HERC2: variants seen among roughly 807,000 people sequenced by gnomAD.
HERC2 encodes E3 ubiquitin-protein ligase HERC2.
Under a neutral mutation model 537.7 loss-of-function variants are expected in HERC2, and 102 were observed. That is an observed-to-expected ratio of 0.19 (90% CI 0.16 to 0.22). The LOEUF (loss-of-function observed/expected upper bound fraction) is 0.22, where lower values mean the gene tolerates loss of function less well. Ranked by LOEUF, HERC2 falls within the 10% of genes least tolerant of loss-of-function variation. The pLI is 1.00. For missense variants in HERC2, 4,236 were observed against 6,198.2 expected, an observed-to-expected ratio of 0.68 and a Z score of 10.63; for synonymous variants, 2,224 against 2,466.2, an observed-to-expected ratio of 0.90 and a Z score of 2.91.
chr15:28,229,282 C>T lies in HERC2; in HGVS notation c.5185G>A (p.Glu1729Lys). The T allele has an allele frequency of 6.2e-7, 1 of 1,613,264 alleles. No individual in the cohort carries two copies. Among genetic ancestry groups the T allele is most frequent in the Admixed American group, 1.7e-5 (1 of 60,010 alleles). Residue 1729 changes from glutamate (E) to lysine (K), a missense_variant, in exon 34 of 93, where the codon GAA becomes AAA. Physicochemically the swap from Glu to Lys is moderately conservative, Grantham distance 56 (BLOSUM62 1). Transcript: ENST00000261609. ...GCGTACAGCTTGCCAAAGGTGACTTCCAGCAGCATCCGATTAAAAGGCGGG... is the reference window on the plus strand; with the variant it reads ...GCGTACAGCTTGCCAAAGGTGACTTTCAGCAGCATCCGATTAAAAGGCGGG... The part of the protein sequence containing the change: ...LIPPFNRMLL[E>K]VTFGKLYAWA...
intron 2 of HERC2, among the ~76,000 whole-genome samples, chr15:28,308,796 T>C (rs1453103265): frequency 2.6e-5 from 4 of 152,242 alleles, no homozygotes; most frequent in Admixed American, 6.5e-5. Context: ...TCAGCATCGA[T>C]TGAAATAATC....
chr15:28,176,754 G>C lies in HERC2; in HGVS notation c.9447C>G (p.Leu3149=). ...ATGCAACCTGGATTACTCTGTGACC[G>C]AGAAGGACTTTCACCTACTCAATTA... is the stretch of plus-strand genomic sequence containing the variant. ...QLKPKMVKVL[L]GHRVIQVACG... Residue 3149 remains leucine, a synonymous_variant, in exon 62 of 93, where the codon CTC becomes CTG. Coordinates refer to ENST00000261609, the MANE Select transcript of HERC2 (RefSeq NM_004667.6). The surrounding 1 kb of genome is among the most constrained non-coding windows in gnomAD (Gnocchi z 5.0). 6.2e-7 allele frequency: 1 copy of C among 1,613,822 alleles called. No homozygotes were observed. Among genetic ancestry groups the C allele is most frequent in the East Asian group, 2.2e-5 (1 of 44,888 alleles).
intron 2 of HERC2, among the ~76,000 whole-genome samples, chr15:28,318,739 C>G (rs1275991725): frequency 6.6e-6 from 1 of 152,018 alleles, no homozygotes; most frequent in Non-Finnish European, 1.5e-5. Context: ...CTAGGCCTGA[C>G]GTATCCAAAT....
At chr15:28,148,917 C>CT (rs1892069942) in intron 70 of HERC2, among the ~76,000 whole-genome samples, 1 of 150,556 alleles carries the variant, frequency 6.6e-6, no homozygotes, top group Admixed American at 6.6e-5. Context: ...AAAAAACACA[C>CT]AACTCCTAAC....
Position 28,125,083 on chromosome 15 carries a change from G to A in HERC2, c.12913C>T (p.Arg4305Cys), listed in dbSNP as rs370346800. Reference sequence around the variant, plus strand: ...GTATGTGCTGAGCCACAGGCCACACGGTTGACCTTCTTACCCTGAAGGGCA... The same window carrying A: ...GTATGTGCTGAGCCACAGGCCACACAGTTGACCTTCTTACCCTGAAGGGCA... ...VAALQGKKVN[R>C]VACGSAHTLA... is the part of the protein sequence containing the mutation. The change falls in exon 84 of 93, where the codon CGT becomes TGT. Residue 4305 changes from arginine to cysteine, a missense_variant. By Grantham distance (180) the Arg-to-Cys change is radical. This residue lies in a region of HERC2 where 189 missense variants were observed against 255.7 expected (regional missense o/e 0.74). Coordinates refer to ENST00000261609, the MANE Select transcript of HERC2 (RefSeq NM_004667.6). 1.7e-5 allele frequency: 28 copies of A among 1,613,916 alleles called. No individual in the cohort carries two copies. The highest frequency in any genetic ancestry group is 4.5e-5 in the East Asian group (2 of 44,878).
intron 83 of HERC2, among the ~76,000 whole-genome samples, chr15:28,125,984 G>T (rs1817822551): frequency 6.6e-6 from 1 of 152,146 alleles, no homozygotes; most frequent in South Asian, 2.1e-4. Context: ...GCTAATTTTT[G>T]TATTTTTAGC....
In HERC2 at chr15:28,125,205, G is replaced by C; in HGVS notation, c.12803-12C>G. 6.3e-7 allele frequency: 1 copy of C among 1,597,324 alleles called. No homozygotes were observed. Among genetic ancestry groups the C allele is most frequent in the African/African-American group, 1.3e-5 (1 of 74,772 alleles). On this transcript the variant is annotated splice_polypyrimidine_tract_variant and intron_variant, in intron 83 of 92. Transcript: ENST00000261609. ...TGTATAAACCTCACCTGAATGAAGT[G>C]AATTTAGAATCAGAACCTGTATACT...
chr15:28,175,530 C>T lies in HERC2; in HGVS notation c.9813G>A (p.Ala3271=), dbSNP rs139728053. 267 of 1,612,996 alleles carry T rather than the reference C, an allele frequency of 1.7e-4. 1 individual carries two copies. In the East Asian group the frequency reaches 2.2e-3, roughly 13 times the overall value. Residue 3271 remains alanine (A), a synonymous_variant, in exon 64 of 93, where the codon GCG becomes GCA. Coordinates refer to ENST00000261609, the MANE Select transcript of HERC2 (RefSeq NM_004667.6). ...GCCTTACCTGCCCCGAGTCCGTGAC[C>T]GCCAGGCAGTGCAGGGCCCCGACAG... is the stretch of plus-strand genomic sequence containing the variant. ...HVAVGALHCL[A]VTDSGQVYAW... is the part of the protein sequence containing the mutation.
chr15:28,156,690 T>C (rs1209610535), intron 69 of HERC2, among the ~76,000 whole-genome samples: 1 of 152,242 alleles, frequency 6.6e-6, no homozygotes, highest in Non-Finnish European at 1.5e-5. Context: ...AATCATGTCA[T>C]CTGCAAACAG....
At chr15:28,145,170 C>T (rs749809199) in intron 71 of HERC2, among the ~76,000 whole-genome samples, 5 of 152,170 alleles carry the variant, frequency 3.3e-5, no homozygotes, top group African/African-American at 7.2e-5. Context: ...GGACATTTCC[C>T]GGGAAAGCTC....
At chr15:28,181,323 C>T (rs972967699) in intron 57 of HERC2, among the ~76,000 whole-genome samples, 1 of 152,200 alleles carries the variant, frequency 6.6e-6, no homozygotes, top group Non-Finnish European at 1.5e-5. Flanking sequence ...ACCTCAGGGA[C>T]CTCTGGACAG....
intron 68 of HERC2, among the ~76,000 whole-genome samples, chr15:28,165,358 G>A (rs1356621450): frequency 1.3e-5 from 2 of 152,226 alleles, no homozygotes; most frequent in South Asian, 2.1e-4. Flanking sequence ...GCTGATGACA[G>A]GAGCCAGGTT....
chr15:28,113,091 C>T lies in HERC2; in HGVS notation c.14212G>A (p.Gly4738Ser), dbSNP rs776938132. Residue 4738 changes from glycine to serine, a missense_variant, in exon 92 of 93, where the codon GGC becomes AGC. Gly to Ser is a moderately conservative substitution (Grantham distance 56, BLOSUM62 0). Coordinates refer to ENST00000261609, the MANE Select transcript of HERC2 (RefSeq NM_004667.6). This position sits in a 1 kb window ranked among gnomAD's most constrained non-coding sequence, Gnocchi z 7.0. ...CCTACCTGGATGACGAAGTCTCGGC[C>T]CCGGAAGTCGGCGATGGTCCTGGGC... ...RLPRTIADFR[G>S]RDFVIQVLDK... 1.9e-6 allele frequency: 3 copies of T among 1,613,488 alleles called. No individual in the cohort carries two copies. The South Asian group carries it at 3.3e-5, about 18-fold the overall frequency.
intron 5 of HERC2, among the ~76,000 whole-genome samples, chr15:28,279,815 CA>C (rs563938019): frequency 0.012 from 1,844 of 150,280 alleles, 41 homozygotes; most frequent in African/African-American, 0.043. Flanking sequence ...ATTGTCTCTC[CA>C]AAAAAAAGAA....
rs1204377469 is a variant in HERC2 at position 28,192,025 on chromosome 15, T to C, written c.8387A>G (p.Asn2796Ser). ...GCCGTCAATGAGACGGGATGCCTGGTTCACGGAGGACGACACATTCAGGCT... is the reference window on the plus strand; with the variant it reads ...GCCGTCAATGAGACGGGATGCCTGGCTCACGGAGGACGACACATTCAGGCT... ...VKSLNVSSSV[N>S]QASRLIDGSE... The change falls in exon 53 of 93, where the codon AAC becomes AGC. Residue 2796 changes from asparagine to serine, a missense_variant. Around this residue, in one of 27 missense-constraint regions of HERC2, gnomAD observed 606 missense variants for 884.5 expected, o/e 0.69. Transcript: ENST00000261609. 4 of 1,613,902 alleles carry C rather than the reference T, an allele frequency of 2.5e-6. No individual in the cohort carries two copies. The highest frequency in any genetic ancestry group is 2.7e-5 in the African/African-American group (2 of 74,910).
chr15:28,196,029 C>T (rs1897316617), intron 52 of HERC2, among the ~76,000 whole-genome samples, 186 bp downstream of exon 52: 1 of 152,154 alleles, frequency 6.6e-6, no homozygotes, highest in South Asian at 2.1e-4. Flanking sequence ...ACACCCCATC[C>T]TGATTTTTTT....
chr15:28,277,306 CTG>C lies in HERC2; in HGVS notation c.543-2303_543-2302del, dbSNP rs2075900490. Among the ~76,000 whole-genome samples the C allele has an allele frequency of 5.9e-5, 9 of 151,974 alleles. No individual in the cohort carries two copies. The South Asian group carries it at 1.9e-3, about 32-fold the overall frequency. ...CACACACAATTGAGAGCATGTAAAA[CTG>C]GGAAAATCTGAATAAGATAGGCAGG... On this transcript the variant is annotated intron_variant, in intron 5 of 92. Transcript: ENST00000261609.
In HERC2 at chr15:28,135,621, T is replaced by C. The variant is rs143956101; in HGVS notation, c.12087A>G (p.Thr4029=). The change falls in exon 79 of 93, where the codon ACA becomes ACG. Residue 4029 remains threonine, a synonymous_variant. Coordinates refer to ENST00000261609, the MANE Select transcript of HERC2 (RefSeq NM_004667.6). ...IGGTESVSTP[T]LLESIQHVFI... The stretch of plus-strand genomic sequence containing the variant: ...ACACATGCTGAATGGATTCAAGCAA[T>C]GTTGGGGTGGACACCGACTCTGTCC... 94 of 1,614,174 alleles carry C rather than the reference T, an allele frequency of 5.8e-5. No individual in the cohort carries two copies. The African/African-American group carries it at 1.1e-3, about 19-fold the overall frequency.
chr15:28,140,404 C>T (rs142982823), intron 78 of HERC2, among the ~76,000 whole-genome samples: 38 of 152,266 alleles, frequency 2.5e-4, no homozygotes, highest in African/African-American at 4.8e-4. Flanking sequence ...TTAGAGACTA[C>T]GGCACTCTAT....
Sources: allele counts gnomAD v4.1 joint callset (sites outside exome capture counted in the v4.1 genomes callset), GRCh38; gene constraint gnomAD v4.1.1; regional missense constraint gnomAD v4.1.1; non-coding constraint Gnocchi (gnomAD v3.1); transcripts MANE v1.5; gene names NCBI Gene and HGNC (gene_info 2026-07-23, HGNC 2026-07-21).